SCAF4: variants seen among roughly 807,000 people sequenced by gnomAD.
The protein encoded by SCAF4 is SR-related and CTD-associated factor 4.
A neutral mutation model predicts 129.8 loss-of-function variants in SCAF4; 25 were observed. That is an observed-to-expected ratio of 0.19 (90% CI 0.14 to 0.27). The LOEUF is 0.27. Ranked by LOEUF, SCAF4 falls within the 10% of genes least tolerant of loss-of-function variation. SCAF4 has a pLI of 1.00. For synonymous variants in SCAF4, 551 were observed against 497.7 expected (o/e 1.11, Z -1.43); for missense variants, 1,246 against 1,457.1 (o/e 0.86, Z 2.36).
chr21:31,692,142 A>G, intron 13 of SCAF4: 1 of 592,196 alleles, frequency 1.7e-6, no homozygotes, highest in Non-Finnish European at 3.0e-6. Flanking sequence ...GTTTGAAATT[A>G]AACTTGGTTA....
Position 31,671,641 on chromosome 21 carries a change from ACT to A in SCAF4, c.3200_3201del (p.Glu1067ValfsTer3). 1 of 1,612,456 alleles carries A rather than the reference ACT, an allele frequency of 6.2e-7. No homozygotes were observed. The highest frequency in any genetic ancestry group is 8.5e-7 in the Non-Finnish European group (1 of 1,179,624). On this transcript the variant is annotated frameshift_variant, in exon 20 of 20. Coordinates refer to ENST00000286835, the MANE Select transcript of SCAF4 (RefSeq NM_020706.2). LOFTEE classifies it high-confidence loss of function. ...RDRERDSRDR[E>X]SRREKEEARG... ...CGGGCTTCTTCCTTCTCTCTACGAG[ACT>A]CTCTATCTCTAGAATCTCTCTCTCT...
chr21:31,714,062 C>G (rs1039514142), intron 1 of SCAF4, among the ~76,000 whole-genome samples: 8 of 152,150 alleles, frequency 5.3e-5, no homozygotes, highest in Admixed American at 2.0e-4. Flanking sequence ...TCTGGCCATG[C>G]AGATGACTCT....
At chr21:31,723,625 TGTGTGCGC>T (rs1428507797) in intron 1 of SCAF4, among the ~76,000 whole-genome samples, 3 of 142,070 alleles carry the variant, frequency 2.1e-5, no homozygotes, top group South Asian at 2.3e-4. Flanking sequence ...TGTGTGTGTG[TGTGTGCGC>T]GCGCGCGCGC....
chr21:31,730,881 A>C (rs1272461530), intron 1 of SCAF4, among the ~76,000 whole-genome samples: 2 of 152,196 alleles, frequency 1.3e-5, no homozygotes, highest in African/African-American at 4.8e-5. Flanking sequence ...AAGGGAGCCG[A>C]GGATTAACTA....
Position 31,696,649 on chromosome 21 carries a change from T to C in SCAF4, c.879A>G (p.Ala293=), listed in dbSNP as rs7280330. 0.19 allele frequency: 303,955 copies of C among 1,613,518 alleles called. 29,937 individuals carry two copies. Among genetic ancestry groups the C allele is most frequent in the Non-Finnish European group, 0.2 (235,564 of 1,179,616 alleles). The change falls in exon 8 of 20, where the codon GCA becomes GCG. Residue 293 remains alanine, a synonymous_variant. Coordinates refer to ENST00000286835, the MANE Select transcript of SCAF4 (RefSeq NM_020706.2). ...TAVTTTAPAA[A]VPPAPTATVP... is the part of the protein sequence containing the mutation. ...CGGTGGCGGTGGGTGCAGGGGGTAC[T>C]GCGGCAGCAGGTGCTGTCGTGGTGA...
At chr21:31,694,761 T>C in intron 10 of SCAF4, 52 bp downstream of exon 10, 2 of 1,552,594 alleles carry the variant, frequency 1.3e-6, no homozygotes, top group Non-Finnish European at 1.8e-6. Context: ...GAAATCTGCA[T>C]ATAAGTCAAG....
At chr21:31,674,834 A>G (rs1245419620) in intron 19 of SCAF4, among the ~76,000 whole-genome samples, 1 of 152,220 alleles carries the variant, frequency 6.6e-6, no homozygotes, top group East Asian at 1.9e-4. Context: ...TAAATATCTG[A>G]ATTTTCTATT....
At chr21:31,714,050 G>A (rs147246596) in intron 1 of SCAF4, among the ~76,000 whole-genome samples, 41 of 152,120 alleles carry the variant, frequency 2.7e-4, no homozygotes, top group Non-Finnish European at 4.7e-4. Context: ...TTTGAATCTG[G>A]GTCTGGCCAT....
chr21:31,707,867 C>T (rs189953415), intron 1 of SCAF4, among the ~76,000 whole-genome samples: 4 of 152,094 alleles, frequency 2.6e-5, no homozygotes, highest in African/African-American at 9.6e-5. Flanking sequence ...GCATGGAATG[C>T]CAAATATAAT....
chr21:31,691,448 G>C (rs909442773), intron 14 of SCAF4, among the ~76,000 whole-genome samples: 14 of 152,132 alleles, frequency 9.2e-5, no homozygotes, highest in African/African-American at 3.4e-4. Context: ...CACCTTTGGT[G>C]AATATTTTTC....
intron 7 of SCAF4, 102 bp from the exon 8 acceptor site, chr21:31,696,852 C>A: frequency 1.0e-6 from 1 of 976,262 alleles, no homozygotes; most frequent in Non-Finnish European, 1.5e-6. Flanking sequence ...TAGAAACCCA[C>A]ATTGTCAAGC....
At chr21:31,712,879 GTT>G in intron 1 of SCAF4, 1 of 973,794 alleles carries the variant, frequency 1.0e-6, no homozygotes. Context: ...TTATAAAACT[GTT>G]AATAGCATGA....
intron 16 of SCAF4, 114 bp downstream of exon 16, chr21:31,688,193 T>G: frequency 1.6e-6 from 1 of 643,900 alleles, no homozygotes. Flanking sequence ...AAATGTAATA[T>G]GCACATATAT....
intron 1 of SCAF4, among the ~76,000 whole-genome samples, chr21:31,712,184 C>T (rs1025661124): frequency 1.3e-5 from 2 of 150,778 alleles, no homozygotes; most frequent in African/African-American, 2.4e-5. Context: ...TCTACTGTTG[C>T]CAGTTCTGCT....
intron 3 of SCAF4, among the ~76,000 whole-genome samples, chr21:31,704,864 TA>T (rs2050618686): frequency 2.0e-5 from 3 of 152,162 alleles, no homozygotes; most frequent in Admixed American, 6.5e-5. Flanking sequence ...CCTAAGCCAG[TA>T]TACAAGGGCC....
In SCAF4 at chr21:31,672,222, G is replaced by A; in HGVS notation, c.2621C>T (p.Pro874Leu). The change falls in exon 20 of 20, where the codon CCT becomes CTT. Residue 874 changes from proline (P) to leucine (L), a missense_variant. Physicochemically the swap from Pro to Leu is moderately conservative, Grantham distance 98 (BLOSUM62 -3). This residue lies in a region of SCAF4 where 468 missense variants were observed against 605.5 expected (regional missense o/e 0.77). Coordinates refer to ENST00000286835, the MANE Select transcript of SCAF4 (RefSeq NM_020706.2). Reference protein sequence around the residue: ...GMPPPHLQRFPLMPPRPMPPH... With the variant: ...GMPPPHLQRFLLMPPRPMPPH... ...TGGCATGGGACGGGGCGGCATCAAA[G>A]GGAACCGCTGTAAGTGAGGTGGGGG... The A allele has an allele frequency of 6.2e-7, 1 of 1,610,702 alleles. No individual in the cohort carries two copies. The highest frequency in any genetic ancestry group is 8.5e-7 in the Non-Finnish European group (1 of 1,178,252).
chr21:31,730,870 G>A (rs1337242699), intron 1 of SCAF4, among the ~76,000 whole-genome samples: 1 of 152,222 alleles, frequency 6.6e-6, no homozygotes, highest in African/African-American at 2.4e-5. Context: ...TGTCCTCGTA[G>A]AAGGGAGCCG....
intron 14 of SCAF4, among the ~76,000 whole-genome samples, chr21:31,691,266 T>G (rs1245693122): frequency 5.3e-5 from 8 of 152,214 alleles, no homozygotes; most frequent in Non-Finnish European, 1.0e-4. Flanking sequence ...AATAGCCTAG[T>G]AGTATACTGG....
intron 1 of SCAF4, among the ~76,000 whole-genome samples, chr21:31,720,970 G>A (rs766716394): frequency 9.2e-5 from 14 of 152,300 alleles, no homozygotes; most frequent in Middle Eastern, 6.8e-3. Flanking sequence ...TGACATTTCT[G>A]TGTATTTTAC....
Sources: gnomAD v4.1 joint callset for allele counts (sites outside exome capture counted in the v4.1 genomes callset) on GRCh38, gnomAD v4.1.1 for gene constraint, gnomAD v4.1.1 regional missense constraint, MANE v1.5 for transcripts, NCBI Gene and HGNC (gene_info 2026-07-23, HGNC 2026-07-21) for gene names.